The following MCF2L variants were observed in gnomAD, a reference collection of about 807,000 sequenced individuals.
The protein encoded by MCF2L is guanine nucleotide exchange factor DBS.
In MCF2L, 97 loss-of-function variants were observed where a neutral mutation model predicts 153.4. The observed-to-expected ratio is 0.63, with a 90% confidence interval of 0.54 to 0.75. The LOEUF (loss-of-function observed/expected upper bound fraction) is 0.75. MCF2L is among the 30% of genes least tolerant of loss of function. MCF2L has a pLI of 0.00. For synonymous variants in MCF2L, 659 were observed against 632.2 expected (o/e 1.04, Z -0.64); for missense variants, 1,347 against 1,495.2 (o/e 0.90, Z 1.64).
At position 113,060,711 on chromosome 13, in the gene MCF2L, C is replaced by T. The variant is rs750060795; in HGVS notation, c.488C>T (p.Pro163Leu). The T allele has an allele frequency of 5.0e-6, 8 of 1,612,522 alleles. No individual in the cohort carries two copies. Among genetic ancestry groups the T allele is most frequent in the Non-Finnish European group, 5.9e-6 (7 of 1,179,782 alleles). Residue 163 changes from proline to leucine, a missense_variant and splice_region_variant, in exon 5 of 30, where the codon CCG (proline) becomes CTG (leucine). By Grantham distance (98) the Pro-to-Leu change is moderately conservative. This residue lies in a region of MCF2L where 820 missense variants were observed against 921.2 expected (regional missense o/e 0.89). Transcript: ENST00000535094. ...FNRDDFKMKVPVIMLSSVPDL... is the reference protein window; with the variant it reads ...FNRDDFKMKVLVIMLSSVPDL... Reference sequence around the variant, plus strand: ...AGAGATGACTTTAAGATGAAGGTGCCGGTAAGTGCGCCCCGCCTCCATCCT... The same window carrying T: ...AGAGATGACTTTAAGATGAAGGTGCTGGTAAGTGCGCCCCGCCTCCATCCT...
chr13:113,060,042 C>T (rs2031107665), intron 4 of MCF2L, among the ~76,000 whole-genome samples: 1 of 152,194 alleles, frequency 6.6e-6, no homozygotes, highest in East Asian at 1.9e-4. Flanking sequence ...GGAGGGGGCT[C>T]CTTCCAAGGC....
At chr13:113,094,826 C>T (rs1259638193) in intron 27 of MCF2L, 191 bp downstream of exon 27, 1 of 1,069,908 alleles carries the variant, frequency 9.3e-7, no homozygotes, top group African/African-American at 1.6e-5. Flanking sequence ...AAGGTCCACC[C>T]AGACCTGGGT....
At chr13:113,090,838 ACT>A (rs1349053342) in intron 26 of MCF2L, 1 of 1,095,982 alleles carries the variant, frequency 9.1e-7, no homozygotes, top group Non-Finnish European at 1.1e-6. Flanking sequence ...GGTGCTGCAA[ACT>A]CTGCTAGCGC....
chr13:113,024,641 C>A lies in MCF2L; in HGVS notation c.164-3C>A. The A allele has an allele frequency of 6.2e-7, 1 of 1,609,768 alleles. No individual in the cohort carries two copies. The highest frequency in any genetic ancestry group is 8.5e-7 in the Non-Finnish European group (1 of 1,176,206). On this transcript the variant is annotated splice_region_variant and splice_polypyrimidine_tract_variant and intron_variant, in intron 2 of 29. Transcript: ENST00000535094. Reference sequence around the variant, plus strand: ...TAAGGGTCTGCCTCTGGTCTCTCCCCAGGTGGGCGGGGGCAGGACGGAAGC... The same window carrying A: ...TAAGGGTCTGCCTCTGGTCTCTCCCAAGGTGGGCGGGGGCAGGACGGAAGC...
In MCF2L at chr13:112,907,894, G is replaced by A. The variant is rs1322276182; in HGVS notation, c.169+5523G>A. Among the ~76,000 whole-genome samples the A allele has an allele frequency of 6.6e-6, 1 of 152,154 alleles. No homozygotes were observed. The highest frequency in any genetic ancestry group is 1.5e-5 in the Non-Finnish European group (1 of 68,032). ...CCACTCATCTTTTCTTTATAGTTCT[G>A]AGTCTCGAGTGAGACGGCCTCTGAA... On this transcript the variant is annotated intron_variant, in intron 2 of 29. Transcript: ENST00000375608. The surrounding 1 kb of genome is among the most constrained non-coding windows in gnomAD (Gnocchi z 5.1).
chr13:113,013,012 C>A (rs2141179452), intron 1 of MCF2L, among the ~76,000 whole-genome samples: 1 of 152,186 alleles, frequency 6.6e-6, no homozygotes, highest in Admixed American at 6.5e-5. Context: ...GGACGGTGCC[C>A]CCACGGTCTG....
At chr13:112,912,533 T>C (rs1256114641) in intron 2 of MCF2L, among the ~76,000 whole-genome samples, 1 of 152,120 alleles carries the variant, frequency 6.6e-6, no homozygotes, top group Non-Finnish European at 1.5e-5. Context: ...GCCAGGCTGG[T>C]CTCGAACTCC....
chr13:113,064,100 G>T lies in MCF2L; in HGVS notation c.490-204G>T, dbSNP rs966657183. 1.3e-5 allele frequency among the ~76,000 whole-genome samples: 2 copies of T among 152,212 alleles called. No homozygotes were observed. The highest frequency in any genetic ancestry group is 4.8e-5 in the African/African-American group (2 of 41,458). On this transcript the variant is annotated intron_variant, in intron 5 of 29. Transcript: ENST00000535094. The surrounding 1 kb of genome is among the most constrained non-coding windows in gnomAD (Gnocchi z 6.0). ...GGCCATAACACACACACGCCACCAC[G>T]AGAGGAGGTGTCGGCGGGGCGCTGA...
At chr13:112,928,398 T>A (rs2081429437) in intron 2 of MCF2L, among the ~76,000 whole-genome samples, 1 of 152,252 alleles carries the variant, frequency 6.6e-6, no homozygotes, top group Non-Finnish European at 1.5e-5. Context: ...CTCACAGTCA[T>A]AATTAATTCT....
intron 1 of MCF2L, among the ~76,000 whole-genome samples, chr13:112,971,535 A>G (rs1248576115): frequency 6.6e-6 from 1 of 151,852 alleles, no homozygotes; most frequent in East Asian, 1.9e-4. Context: ...CTGTAGATTC[A>G]CCCCCAACCC....
chr13:112,954,461 G>A (rs1258896317), intron 2 of MCF2L, among the ~76,000 whole-genome samples: 3 of 152,246 alleles, frequency 2.0e-5, no homozygotes, highest in Non-Finnish European at 4.4e-5. Context: ...TGGAGGACCT[G>A]CGGTCATTTT....
intron 2 of MCF2L, among the ~76,000 whole-genome samples, chr13:112,940,915 T>C (rs1237946644): frequency 6.6e-6 from 1 of 152,154 alleles, no homozygotes; most frequent in East Asian, 1.9e-4. Flanking sequence ...AGCCAGCACC[T>C]TTCTTTGCTC....
intron 2 of MCF2L, among the ~76,000 whole-genome samples, chr13:112,922,337 TC>T (rs912810474): frequency 6.6e-6 from 1 of 152,194 alleles, no homozygotes; most frequent in African/African-American, 2.4e-5. Context: ...TCTCTAAAGA[TC>T]ATACAATTTC....
intron 1 of MCF2L, among the ~76,000 whole-genome samples, chr13:113,005,007 T>C (rs1345067869): frequency 1.3e-5 from 2 of 151,964 alleles, no homozygotes; most frequent in Admixed American, 1.3e-4. Context: ...TGTGGGTGGG[T>C]ATCGGGGAAA....
upstream of MCF2L, chr13:112,968,464 C>T: frequency 1.3e-6 from 2 of 1,589,826 alleles, no homozygotes; most frequent in Non-Finnish European, 1.7e-6. Flanking sequence ...TGGTGCCAAC[C>T]ATGGCGAGGG....
At chr13:113,025,253 C>T (rs371108478) in intron 3 of MCF2L, among the ~76,000 whole-genome samples, 1,106 of 99,658 alleles carry the variant, frequency 0.011, 256 homozygotes, top group Middle Eastern at 0.021. Flanking sequence ...GAGATTTCCC[C>T]GTCATGGGGT....
At chr13:113,062,212 G>C (rs112841666) in intron 5 of MCF2L, among the ~76,000 whole-genome samples, 2 of 151,958 alleles carry the variant, frequency 1.3e-5, no homozygotes, top group African/African-American at 4.8e-5. Flanking sequence ...GCAGGGACTC[G>C]TGGGCAGTGG....
rs977360322 is a variant in MCF2L, at chr13:112,956,856, A to T, written c.169+54485A>T. On this transcript the variant is annotated intron_variant, in intron 2 of 29. Transcript: ENST00000375608. Reference sequence around the variant, plus strand: ...ATGAGGTTTTCCTATCAAACTCTACATGCATTTCGTATGACATCTCTGGAT... The same window carrying T: ...ATGAGGTTTTCCTATCAAACTCTACTTGCATTTCGTATGACATCTCTGGAT... 14 of 152,368 alleles carry T rather than the reference A, an allele frequency of 9.2e-5. No individual in the cohort carries two copies. In the South Asian group the frequency reaches 2.7e-3, roughly 29 times the overall value. The allele number at this position is 152,368 out of a possible 1,614,324, so 9.4% of individuals were successfully genotyped here.
intron 1 of MCF2L, chr13:112,985,235 G>C: frequency 2.6e-6 from 1 of 382,872 alleles, no homozygotes; most frequent in Non-Finnish European, 5.4e-6. Flanking sequence ...CTCTGTCCCA[G>C]GTAGTGGGTG....
Sources: allele counts gnomAD v4.1 joint callset (sites outside exome capture counted in the v4.1 genomes callset), GRCh38; gene constraint gnomAD v4.1.1; regional missense constraint gnomAD v4.1.1; non-coding constraint Gnocchi (gnomAD v3.1); transcripts MANE v1.5; gene names NCBI Gene and HGNC (gene_info 2026-07-23, HGNC 2026-07-21).